GALNT3: variants seen among roughly 807,000 people sequenced by gnomAD.
GALNT3 encodes the protein polypeptide N-acetylgalactosaminyltransferase 3.
Under a neutral mutation model 69.8 loss-of-function variants are expected in GALNT3, and 51 were observed. The observed-to-expected ratio is 0.73, with a 90% CI of 0.58 to 0.92. GALNT3 has a LOEUF of 0.92. Ranked by LOEUF, GALNT3 falls within the 40% of genes least tolerant of loss-of-function variation. The pLI is 0.00. For synonymous variants in GALNT3, 265 were observed against 248.5 expected (o/e 1.07, Z -0.63); for missense variants, 711 against 760.0 (o/e 0.94, Z 0.76).
At chr2:165,756,415 T>C (rs973140258) in intron 7 of GALNT3, among the ~76,000 whole-genome samples, 13 of 152,186 alleles carry the variant, frequency 8.5e-5, no homozygotes, top group Non-Finnish European at 7.4e-5. Context: ...GAGTACCATA[T>C]ATTTGTTAGC....
Position 165,770,458 on chromosome 2 carries a change from T to G in GALNT3, c.243A>C (p.Gln81His). ...TGTTTTGCCTGACAGGTGCTCCTATTTGCATTTTTGGCATGGCATCCTTAA... is the reference window on the plus strand; with the variant it reads ...TGTTTTGCCTGACAGGTGCTCCTATGTGCATTTTTGGCATGGCATCCTTAA... ...NNIKDAMPKM[Q>H]IGAPVRQNID... is the part of the protein sequence containing the mutation. The change falls in exon 2 of 11, where the codon CAA becomes CAC. Residue 81 changes from glutamine (Q) to histidine (H), a missense_variant. Transcript: ENST00000392701. 6.2e-7 allele frequency: 1 copy of G among 1,614,250 alleles called. No individual in the cohort carries two copies. Among genetic ancestry groups the G allele is most frequent in the Non-Finnish European group, 8.5e-7 (1 of 1,180,046 alleles).
At chr2:165,792,954 T>C (rs775756304) in intron 1 of GALNT3, among the ~76,000 whole-genome samples, 1 of 152,204 alleles carries the variant, frequency 6.6e-6, no homozygotes, top group Non-Finnish European at 1.5e-5. Context: ...AATTTGACTG[T>C]AAATGTCTTC....
chr2:165,770,859 A>G (rs1428013065), intron 1 of GALNT3, 51 bp from the exon 2 acceptor site: 3 of 693,326 alleles, frequency 4.3e-6, no homozygotes, highest in Non-Finnish European at 6.9e-6. Context: ...TCCTACAGGC[A>G]TGGCTCAATT....
At chr2:165,757,685 T>C (rs1688470933) in intron 6 of GALNT3, among the ~76,000 whole-genome samples, 1 of 152,196 alleles carries the variant, frequency 6.6e-6, no homozygotes, top group African/African-American at 2.4e-5. Context: ...TTATCTCTTG[T>C]ATATTCAATT....
At position 165,761,746 on chromosome 2, in the gene GALNT3, C is replaced by T. The variant is rs768228468; in HGVS notation, c.838+159G>A. On this transcript the variant is annotated intron_variant, in intron 4 of 10. Coordinates refer to ENST00000392701, the MANE Select transcript of GALNT3 (RefSeq NM_004482.4). ...AGTGAAAGGAATTTTCTCCACAGAG[C>T]TGTTACCTGCTTGGGCTGTCATTGC... The T allele has an allele frequency of 3.8e-6, 3 of 785,546 alleles. No homozygotes were observed. The South Asian group carries it at 4.3e-5, about 11-fold the overall frequency. The allele number at this position is 785,546 out of a possible 1,614,324, so 48.7% of individuals were successfully genotyped here. A position where few individuals can be genotyped will look rare whatever the true frequency, so the allele number is the denominator to read the frequency against.
At chr2:165,755,745 T>G (rs931970728) in intron 7 of GALNT3, among the ~76,000 whole-genome samples, 1 of 152,210 alleles carries the variant, frequency 6.6e-6, no homozygotes, top group African/African-American at 2.4e-5. Flanking sequence ...AAAGTACATG[T>G]AATATCTAAA....
rs995869830 is a variant in GALNT3 at position 165,748,410 on chromosome 2, C to A, written c.*371G>T. ...TACAGTAACAAATCTTTCTTCCTATCCCCCCAAAAAACTAGGGGAAATATT... is the reference window on the plus strand; with the variant it reads ...TACAGTAACAAATCTTTCTTCCTATACCCCCAAAAAACTAGGGGAAATATT... On this transcript the variant is annotated 3_prime_UTR_variant, in exon 11 of 11. Coordinates refer to ENST00000392701, the MANE Select transcript of GALNT3 (RefSeq NM_004482.4). 4.0e-5 allele frequency: 11 copies of A among 274,298 alleles called. No homozygotes were observed. The highest frequency in any genetic ancestry group is 7.0e-5 in the Non-Finnish European group (10 of 143,606). 17.0% of individuals were successfully genotyped at this position (274,298 alleles called of 1,614,324 possible).
intron 9 of GALNT3, among the ~76,000 whole-genome samples, chr2:165,753,686 TA>T (rs1189646357): frequency 6.6e-6 from 1 of 152,072 alleles, no homozygotes; most frequent in African/African-American, 2.4e-5. Flanking sequence ...AAAGGAAGCT[TA>T]AAAAAACAGA....
rs1160723693 is a variant in GALNT3 at position 165,764,943 on chromosome 2, T to G, written c.629A>C (p.Tyr210Ser). The G allele has an allele frequency of 1.2e-6, 2 of 1,614,092 alleles. No homozygotes were observed. The highest frequency in any genetic ancestry group is 1.1e-5 in the South Asian group (1 of 91,090). The change falls in exon 3 of 11, where the codon TAT becomes TCT. Residue 210 changes from tyrosine to serine, a missense_variant. Coordinates refer to ENST00000392701, the MANE Select transcript of GALNT3 (RefSeq NM_004482.4). ...CTTCAGCAGTATTGCAGGTGAAGAATAGAGCACACTGTGGACAGTTCTAAG... is the reference window on the plus strand; with the variant it reads ...CTTCAGCAGTATTGCAGGTGAAGAAGAGAGCACACTGTGGACAGTTCTAAG... ...TLLRTVHSVL[Y>S]SSPAILLKEI...
At chr2:165,761,800 A>C in intron 4 of GALNT3, 105 bp downstream of exon 4, 2 of 1,264,062 alleles carry the variant, frequency 1.6e-6, no homozygotes, top group Non-Finnish European at 2.3e-6. Context: ...ACGCTGTTAA[A>C]GAAAATGCAA....
intron 1 of GALNT3, among the ~76,000 whole-genome samples, chr2:165,793,445 C>G (rs921563142): frequency 1.5e-4 from 23 of 152,186 alleles, no homozygotes; most frequent in Admixed American, 1.5e-3. Context: ...GAGGGGTGTC[C>G]GCGTCCCGGC....
intron 1 of GALNT3, among the ~76,000 whole-genome samples, chr2:165,790,879 A>G (rs1466814077): frequency 6.6e-6 from 1 of 152,196 alleles, no homozygotes. Context: ...ACCAAATAAT[A>G]AACTGGCTAT....
chr2:165,760,323 C>G (rs920191610), intron 4 of GALNT3, among the ~76,000 whole-genome samples: 8 of 152,190 alleles, frequency 5.3e-5, no homozygotes, highest in African/African-American at 1.9e-4. Flanking sequence ...AAAGCTGCCC[C>G]AGACCTAATA....
At chr2:165,790,585 T>C (rs1683325608) in intron 1 of GALNT3, among the ~76,000 whole-genome samples, 1 of 152,146 alleles carries the variant, frequency 6.6e-6, no homozygotes, top group African/African-American at 2.4e-5. Context: ...GTGAAGATGA[T>C]TCAGGCACTG....
At chr2:165,771,864 G>T (rs1006506116) in intron 1 of GALNT3, among the ~76,000 whole-genome samples, 4 of 152,142 alleles carry the variant, frequency 2.6e-5, no homozygotes, top group African/African-American at 9.7e-5. Flanking sequence ...TTCTAAGATG[G>T]ATTCTCTGGC....
chr2:165,779,502 C>T (rs1046030106), intron 1 of GALNT3, among the ~76,000 whole-genome samples: 3 of 152,144 alleles, frequency 2.0e-5, no homozygotes, highest in African/African-American at 7.2e-5. Context: ...AGTTCTATCT[C>T]CTCAAAAACG....
intron 4 of GALNT3, among the ~76,000 whole-genome samples, chr2:165,760,352 G>T (rs188114365): frequency 3.9e-5 from 6 of 152,156 alleles, no homozygotes; most frequent in Non-Finnish European, 8.8e-5. Flanking sequence ...GGGCCAAGGA[G>T]TTTCATGTCA....
upstream of GALNT3, chr2:165,794,651 G>A (rs1683427573): frequency 6.6e-6 from 1 of 152,296 alleles, no homozygotes; most frequent in Non-Finnish European, 1.5e-5. Context: ...AGCAACTGCT[G>A]GCTCATGTGG....
At chr2:165,758,888 T>A in intron 5 of GALNT3, 24 bp from the exon 6 acceptor site, 1 of 1,420,560 alleles carries the variant, frequency 7.0e-7, no homozygotes. Context: ...CATTGTCAAA[T>A]TTTGTTATAA....
Sources: allele counts gnomAD v4.1 joint callset (sites outside exome capture counted in the v4.1 genomes callset), GRCh38; gene constraint gnomAD v4.1.1; transcripts MANE v1.5; gene names NCBI Gene and HGNC (gene_info 2026-07-23, HGNC 2026-07-21).